The following NFIB variants were observed in gnomAD, a reference collection of about 807,000 sequenced individuals.
NFIB encodes the protein nuclear factor 1 B-type.
NFIB carries 11 observed loss-of-function variants against 61.5 expected under a neutral mutation model. The observed-to-expected ratio is 0.18, with a 90% CI of 0.11 to 0.30. NFIB has a LOEUF of 0.30. NFIB is among the 10% of genes least tolerant of loss of function. The pLI, the probability that NFIB is intolerant of heterozygous loss-of-function variation, is 1.00. For missense variants in NFIB, 471 were observed against 608.9 expected (o/e 0.77, Z 2.38); for synonymous variants, 260 against 216.5 (o/e 1.20, Z -1.76).
Position 14,314,081 on chromosome 9 carries a change from C to T in NFIB, c.-570G>A. On this transcript the variant is annotated 5_prime_UTR_variant, in exon 1 of 11. Transcript: ENST00000380953. The stretch of plus-strand genomic sequence containing the variant: ...CGGCAGGATCCCGGAGTGGTGATCG[C>T]AGGCGAAACTTTGCCGCGAGCCGAC... The T allele has an allele frequency of 9.5e-7, 1 of 1,053,014 alleles. No homozygotes were observed. The highest frequency in any genetic ancestry group is 1.1e-6 in the Non-Finnish European group (1 of 872,278). The allele number at this position is 1,053,014 out of a possible 1,614,324, so 65.2% of individuals were successfully genotyped here. A position where few individuals can be genotyped will look rare whatever the true frequency, so the allele number is the denominator to read the frequency against.
chr9:14,089,717 A>G (rs1282148435), intron 10 of NFIB, among the ~76,000 whole-genome samples: 1 of 151,948 alleles, frequency 6.6e-6, no homozygotes, highest in Non-Finnish European at 1.5e-5. Context: ...AGATAGCACT[A>G]TTGTTGTAGC....
intron 2 of NFIB, among the ~76,000 whole-genome samples, chr9:14,211,060 A>T (rs1386112355): frequency 6.6e-6 from 1 of 152,222 alleles, no homozygotes; most frequent in Non-Finnish European, 1.5e-5. Flanking sequence ...TTCCCTAAAA[A>T]TTTAAAGTAT....
At chr9:14,394,128 G>A (rs1316444318) in intron 1 of NFIB, among the ~76,000 whole-genome samples, 11 of 152,146 alleles carry the variant, frequency 7.2e-5, no homozygotes, top group Non-Finnish European at 1.2e-4. Flanking sequence ...GCAGATGCAG[G>A]GGTGAATAAG....
At chr9:14,088,823 G>A (rs1390989134) in intron 10 of NFIB, among the ~76,000 whole-genome samples, 1 of 152,038 alleles carries the variant, frequency 6.6e-6, no homozygotes, top group East Asian at 1.9e-4. Flanking sequence ...GAAAAGTACG[G>A]TGAAAGATAT....
the NFIB span, among the ~76,000 whole-genome samples, chr9:14,429,144 A>G: frequency 6.6e-6 from 1 of 152,326 alleles, no homozygotes; most frequent in South Asian, 2.1e-4. Flanking sequence ...AGAGTGGCAC[A>G]ACCCAAGGCA....
the NFIB span, among the ~76,000 whole-genome samples, chr9:14,405,649 G>C: frequency 1.3e-5 from 2 of 152,176 alleles, no homozygotes; most frequent in Admixed American, 6.5e-5. Flanking sequence ...GGATTGGCTT[G>C]TTTTCAAGCA....
intron 2 of NFIB, among the ~76,000 whole-genome samples, chr9:14,293,985 A>G (rs1006737372): frequency 2.0e-5 from 3 of 152,206 alleles, no homozygotes; most frequent in Non-Finnish European, 4.4e-5. Context: ...GTCCAAAATA[A>G]TTTCATCTTG....
chr9:14,357,765 A>G (rs1392353313), intron 1 of NFIB: 1 of 152,226 alleles, frequency 6.6e-6, no homozygotes, highest in Admixed American at 6.5e-5. Flanking sequence ...ATGAATGGAT[A>G]AACTTAACGT....
chr9:14,441,985 G>C, the NFIB span, among the ~76,000 whole-genome samples: 3 of 152,064 alleles, frequency 2.0e-5, no homozygotes, highest in Admixed American at 6.6e-5. Flanking sequence ...ATAGTAATAC[G>C]GCAGGCACTG....
Position 14,169,326 on chromosome 9 carries a change from G to A in NFIB, c.616+10401C>T, listed in dbSNP as rs187689365. On this transcript the variant is annotated intron_variant, in intron 3 of 10. Coordinates refer to ENST00000380953, the MANE Select transcript of NFIB (RefSeq NM_001190737.2). Reference sequence around the variant, plus strand: ...ATACATGCAAGGTATAGAGCACTGCGCAAGGGGAAGATATGTCTAGTGGAA... The same window carrying A: ...ATACATGCAAGGTATAGAGCACTGCACAAGGGGAAGATATGTCTAGTGGAA... 1.3e-3 allele frequency among the ~76,000 whole-genome samples: 191 copies of A among 152,156 alleles called. 1 individual carries two copies. The highest frequency in any genetic ancestry group is 3.9e-3 in the Admixed American group (59 of 15,280).
intron 6 of NFIB, among the ~76,000 whole-genome samples, chr9:14,136,498 C>T (rs1167492699): frequency 6.6e-6 from 1 of 152,072 alleles, no homozygotes; most frequent in Non-Finnish European, 1.5e-5. Flanking sequence ...TGGAAGGGCT[C>T]TAATTTAACA....
At chr9:14,173,184 C>T (rs1220070554) in intron 3 of NFIB, among the ~76,000 whole-genome samples, 6 of 152,166 alleles carry the variant, frequency 3.9e-5, no homozygotes, top group Non-Finnish European at 8.8e-5. Flanking sequence ...GGTGTGCTCC[C>T]CTATGTGATC....
At chr9:14,447,433 C>T in the NFIB span, among the ~76,000 whole-genome samples, 2 of 152,228 alleles carry the variant, frequency 1.3e-5, no homozygotes, top group East Asian at 1.9e-4. Context: ...CTATCATTCA[C>T]CCGGTGGTAC....
intron 3 of NFIB, among the ~76,000 whole-genome samples, chr9:14,158,990 C>G (rs959447393): frequency 1.3e-5 from 2 of 151,936 alleles, no homozygotes; most frequent in African/African-American, 4.9e-5. Flanking sequence ...ATTACAATAT[C>G]TATGTGTAAT....
chr9:14,278,561 C>G (rs1438813378), intron 2 of NFIB, among the ~76,000 whole-genome samples: 1 of 152,104 alleles, frequency 6.6e-6, no homozygotes, highest in African/African-American at 2.4e-5. Flanking sequence ...GAGGCGAGCC[C>G]CTGAGTGAGC....
intron 5 of NFIB, among the ~76,000 whole-genome samples, chr9:14,149,738 TTA>T (rs1328483134): frequency 6.6e-6 from 1 of 152,176 alleles, no homozygotes; most frequent in Non-Finnish European, 1.5e-5. Context: ...ATTTTATTTT[TTA>T]TGTTTCATTA....
chr9:14,531,048 C>G, the NFIB span, among the ~76,000 whole-genome samples: 1 of 152,132 alleles, frequency 6.6e-6, no homozygotes, highest in African/African-American at 2.4e-5. Context: ...TACAAGAGAC[C>G]ATTGTCCACA....
At chr9:14,315,809 A>T (rs2132786657), upstream of NFIB, among the ~76,000 whole-genome samples, 1 of 151,908 alleles carries the variant, frequency 6.6e-6, no homozygotes, top group East Asian at 2.0e-4. Context: ...AGGGGGAAGC[A>T]AAGGCCTCCC....
chr9:14,430,317 G>A, the NFIB span, among the ~76,000 whole-genome samples: 1 of 151,004 alleles, frequency 6.6e-6, no homozygotes, highest in African/African-American at 2.4e-5. Context: ...ATTATACAGC[G>A]AATTAAGACT....
Sources: allele counts gnomAD v4.1 joint callset (sites outside exome capture counted in the v4.1 genomes callset), GRCh38; gene constraint gnomAD v4.1.1; transcripts MANE v1.5; gene names NCBI Gene and HGNC (gene_info 2026-07-23, HGNC 2026-07-21).